CPED1: variants seen among roughly 807,000 people sequenced by gnomAD.
CPED1 encodes the protein cadherin-like and PC-esterase domain-containing protein 1.
In CPED1, 114 loss-of-function variants were observed where a neutral mutation model predicts 128.2. The observed-to-expected ratio is 0.89, with a 90% CI of 0.76 to 1.04. CPED1 has a LOEUF of 1.04. CPED1 is among the 50% of genes least tolerant of loss of function. The pLI, the probability that CPED1 is intolerant of heterozygous loss-of-function variation, is 0.00. For missense variants in CPED1, 1,211 were observed against 1,207.1 expected (o/e 1.00, Z -0.05); for synonymous variants, 462 against 426.7 (o/e 1.08, Z -1.02).
intron 2 of CPED1, among the ~76,000 whole-genome samples, chr7:121,006,789 A>G (rs1387395591): frequency 6.6e-6 from 1 of 152,160 alleles, no homozygotes; most frequent in Non-Finnish European, 1.5e-5. Context: ...GTGAGGTTAC[A>G]GTAAATAGTA....
At chr7:121,058,861 ATGT>A (rs1793576551) in intron 4 of CPED1, among the ~76,000 whole-genome samples, 1 of 152,214 alleles carries the variant, frequency 6.6e-6, no homozygotes, top group Non-Finnish European at 1.5e-5. Flanking sequence ...TTTGTTGGAG[ATGT>A]TGTAGAATTG....
intron 5 of CPED1, among the ~76,000 whole-genome samples, chr7:121,080,824 G>A (rs1794273967): frequency 6.6e-6 from 1 of 152,140 alleles, no homozygotes. Flanking sequence ...CACTCTTCCA[G>A]TCTCCTTCTG....
At chr7:121,278,075 C>T (rs571405506) in intron 22 of CPED1, among the ~76,000 whole-genome samples, 71 of 151,832 alleles carry the variant, frequency 4.7e-4, no homozygotes, top group East Asian at 7.7e-4. Flanking sequence ...GGTAAAATGT[C>T]GGGGCAAGAA....
At chr7:121,292,772 G>A (rs761578879) in intron 22 of CPED1, among the ~76,000 whole-genome samples, 11 of 152,100 alleles carry the variant, frequency 7.2e-5, no homozygotes, top group African/African-American at 1.2e-4. Flanking sequence ...TAACAGTCAG[G>A]CCGCTCTTCT....
intron 2 of CPED1, among the ~76,000 whole-genome samples, chr7:121,009,645 A>G (rs932282975): frequency 1.4e-4 from 21 of 151,964 alleles, no homozygotes; most frequent in Admixed American, 3.9e-4. Flanking sequence ...TTAGGTGAAA[A>G]GACTAATGAC....
At chr7:121,224,652 G>C (rs1445477926) in intron 16 of CPED1, among the ~76,000 whole-genome samples, 1 of 152,078 alleles carries the variant, frequency 6.6e-6, no homozygotes, top group South Asian at 2.1e-4. Context: ...CCTGTATTGG[G>C]TGCATATATA....
intron 5 of CPED1, among the ~76,000 whole-genome samples, chr7:121,097,394 G>C (rs113859398): frequency 1.4e-3 from 207 of 152,172 alleles, no homozygotes; most frequent in African/African-American, 4.5e-3. Context: ...CCTTAGCTTT[G>C]TAGGATAGAT....
intron 7 of CPED1, among the ~76,000 whole-genome samples, chr7:121,107,052 GC>G (rs1794994620): frequency 1.3e-5 from 2 of 152,058 alleles, no homozygotes; most frequent in African/African-American, 4.8e-5. Context: ...AGCCAGCTAA[GC>G]CGTAGAGATG....
At chr7:121,199,968 T>C (rs185375726) in intron 16 of CPED1, among the ~76,000 whole-genome samples, 2 of 152,232 alleles carry the variant, frequency 1.3e-5, no homozygotes, top group East Asian at 3.9e-4. Flanking sequence ...TATTGTCTTC[T>C]GAATCTGGTG....
intron 18 of CPED1, among the ~76,000 whole-genome samples, chr7:121,252,700 A>C (rs1798707572): frequency 6.6e-6 from 1 of 152,186 alleles, no homozygotes; most frequent in Non-Finnish European, 1.5e-5. Context: ...GCAGCCAAAA[A>C]ACACACGAAA....
At chr7:121,147,839 A>G (rs1563045282) in intron 16 of CPED1, among the ~76,000 whole-genome samples, 1 of 152,182 alleles carries the variant, frequency 6.6e-6, no homozygotes, top group Non-Finnish European at 1.5e-5. Context: ...ACACATTTGA[A>G]ACTGGCATTT....
At chr7:121,165,006 C>G (rs917381841) in intron 16 of CPED1, among the ~76,000 whole-genome samples, 1 of 152,104 alleles carries the variant, frequency 6.6e-6, no homozygotes, top group African/African-American at 2.4e-5. Flanking sequence ...AGGTATTTTT[C>G]TAAGTTTCTT....
chr7:121,245,356 G>A (rs1798500794), intron 18 of CPED1, among the ~76,000 whole-genome samples: 1 of 151,980 alleles, frequency 6.6e-6, no homozygotes, highest in Non-Finnish European at 1.5e-5. Context: ...AATCATTTAG[G>A]AACTTATGTT....
At chr7:121,125,738 T>C in intron 8 of CPED1, 82 bp from the exon 9 acceptor site, 1 of 1,031,440 alleles carries the variant, frequency 9.7e-7, no homozygotes, top group Non-Finnish European at 1.5e-6. Flanking sequence ...TGGTTCCAAG[T>C]TTTGCTGTTA....
chr7:121,051,350 C>T (rs192428975), intron 4 of CPED1: 5 of 424,292 alleles, frequency 1.2e-5, no homozygotes, highest in Non-Finnish European at 1.7e-5. Flanking sequence ...CACCTCCTCC[C>T]ATTTTTTAAA....
intron 6 of CPED1, 77 bp from the exon 7 acceptor site, chr7:121,099,849 A>G: frequency 1.4e-6 from 2 of 1,466,904 alleles, no homozygotes; most frequent in East Asian, 2.3e-5. Flanking sequence ...GCAGTTTACA[A>G]AGCTTGTAGG....
intron 16 of CPED1, among the ~76,000 whole-genome samples, chr7:121,179,027 G>A (rs1182292284): frequency 6.6e-6 from 1 of 152,040 alleles, no homozygotes; most frequent in Non-Finnish European, 1.5e-5. Flanking sequence ...AGAAAAACAA[G>A]GTCAGAGATA....
At chr7:121,060,113 G>C (rs887426612) in intron 4 of CPED1, among the ~76,000 whole-genome samples, 1 of 152,244 alleles carries the variant, frequency 6.6e-6, no homozygotes, top group Non-Finnish European at 1.5e-5. Flanking sequence ...TTAGCACCCG[G>C]GCCAGCGGCT....
At chr7:121,032,884 G>A (rs1409528567) in intron 3 of CPED1, among the ~76,000 whole-genome samples, 1 of 152,110 alleles carries the variant, frequency 6.6e-6, no homozygotes, top group African/African-American at 2.4e-5. Context: ...TGGGAACAGG[G>A]CCAATTTTAG....
Sources: gnomAD v4.1 joint callset for allele counts (sites outside exome capture counted in the v4.1 genomes callset) on GRCh38, gnomAD v4.1.1 for gene constraint, MANE v1.5 for transcripts, NCBI Gene and HGNC (gene_info 2026-07-23, HGNC 2026-07-21) for gene names.